The following SLC24A3 variants were observed in gnomAD, a reference collection of about 807,000 sequenced individuals.
SLC24A3 encodes solute carrier family 24 member 3, also known as sodium/potassium/calcium exchanger 3.
A neutral mutation model predicts 75.8 loss-of-function variants in SLC24A3; 28 were observed. The ratio of observed to expected loss-of-function variants is 0.37; its 90% CI spans 0.27 to 0.51. SLC24A3 has a LOEUF of 0.51. SLC24A3 is among the 20% of genes least tolerant of loss of function. SLC24A3 has a pLI of 0.94. For missense variants in SLC24A3, 663 were observed against 847.8 expected (o/e 0.78, Z 2.71); for synonymous variants, 372 against 334.1 (o/e 1.11, Z -1.24).
chr20:19,658,666 G>A (rs534745851), intron 7 of SLC24A3, among the ~76,000 whole-genome samples: 19 of 152,212 alleles, frequency 1.2e-4, no homozygotes, highest in Non-Finnish European at 2.4e-4. Context: ...GCCAGCGGTG[G>A]AGAGGCTGGA....
chr20:19,220,450 A>T (rs183152035), intron 1 of SLC24A3, among the ~76,000 whole-genome samples: 15 of 152,338 alleles, frequency 9.8e-5, no homozygotes, highest in African/African-American at 3.4e-4. Context: ...CAGAGAAAGG[A>T]GCAGGTTTCT....
chr20:19,525,853 G>A (rs914402152), intron 3 of SLC24A3, among the ~76,000 whole-genome samples: 4 of 152,152 alleles, frequency 2.6e-5, no homozygotes, highest in African/African-American at 7.2e-5. Context: ...CTTCTTCCCA[G>A]CCCCTCATTC....
At chr20:19,534,177 T>C (rs1387318996) in intron 3 of SLC24A3, among the ~76,000 whole-genome samples, 1 of 152,270 alleles carries the variant, frequency 6.6e-6, no homozygotes, top group Non-Finnish European at 1.5e-5. Context: ...AAATATAGAA[T>C]GTTGGCAGTT....
At chr20:19,358,886 T>A (rs1467978599) in intron 2 of SLC24A3, among the ~76,000 whole-genome samples, 3 of 152,232 alleles carry the variant, frequency 2.0e-5, no homozygotes, top group Admixed American at 6.5e-5. Flanking sequence ...GCTTTTTGTG[T>A]CTGGCTTATT....
chr20:19,649,591 T>G (rs6035399), intron 6 of SLC24A3, among the ~76,000 whole-genome samples: 4 of 151,950 alleles, frequency 2.6e-5, no homozygotes, highest in African/African-American at 9.7e-5. Flanking sequence ...CTGTTTTTTG[T>G]TTTTTTTGTT....
intron 3 of SLC24A3, among the ~76,000 whole-genome samples, chr20:19,530,349 G>A (rs757132647): frequency 6.6e-6 from 1 of 152,164 alleles, no homozygotes; most frequent in African/African-American, 2.4e-5. Context: ...ACTGAGTGCC[G>A]AGGGCCTCTC....
chr20:19,425,770 T>G (rs1433914680), intron 2 of SLC24A3, among the ~76,000 whole-genome samples: 1 of 114,492 alleles, frequency 8.7e-6, no homozygotes, highest in Non-Finnish European at 1.9e-5. Flanking sequence ...TGTAGACTCC[T>G]GGGATTCATT....
chr20:19,566,051 A>G (rs2030952362), intron 3 of SLC24A3, among the ~76,000 whole-genome samples: 1 of 152,160 alleles, frequency 6.6e-6, no homozygotes, highest in Admixed American at 6.6e-5. Flanking sequence ...TCATTCGTTT[A>G]TTCATTCAAA....
intron 1 of SLC24A3, among the ~76,000 whole-genome samples, chr20:19,257,007 C>T (rs1024967256): frequency 4.6e-5 from 7 of 152,074 alleles, no homozygotes; most frequent in Non-Finnish European, 7.4e-5. Flanking sequence ...TGCACCGAAC[C>T]CTCTCTAAGG....
chr20:19,280,030 G>A (rs1376238616), intron 1 of SLC24A3, among the ~76,000 whole-genome samples: 6 of 152,174 alleles, frequency 3.9e-5, no homozygotes, highest in Non-Finnish European at 8.8e-5. Context: ...TAATCTTAAT[G>A]CTCAGGAAGA....
intron 2 of SLC24A3, among the ~76,000 whole-genome samples, chr20:19,439,809 A>G (rs6136729): frequency 0.043 from 6,551 of 152,248 alleles, 467 homozygotes; most frequent in East Asian, 0.33. Context: ...ATTTGGCAAT[A>G]ACACGGTCTC....
At chr20:19,446,921 C>T (rs1987397195) in intron 2 of SLC24A3, among the ~76,000 whole-genome samples, 1 of 152,198 alleles carries the variant, frequency 6.6e-6, no homozygotes. Context: ...ATGGATTTCC[C>T]CTTGGCATTA....
chr20:19,231,627 C>T (rs1226079410), intron 1 of SLC24A3, among the ~76,000 whole-genome samples: 17 of 152,226 alleles, frequency 1.1e-4, no homozygotes. Context: ...AGTAGGAATG[C>T]AGTCCTGCTG....
intron 6 of SLC24A3, among the ~76,000 whole-genome samples, chr20:19,590,814 G>A (rs889594375): frequency 1.3e-5 from 2 of 152,180 alleles, no homozygotes; most frequent in African/African-American, 4.8e-5. Flanking sequence ...CCTAGCCCAA[G>A]GCCAACTGAA....
intron 14 of SLC24A3, chr20:19,697,481 T>A (rs1413845857): frequency 6.5e-6 from 1 of 152,764 alleles, no homozygotes; most frequent in Non-Finnish European, 1.5e-5. Flanking sequence ...CCACCTGCAG[T>A]GCCCTCTAAG....
At chr20:19,369,080 T>C (rs1212711992) in intron 2 of SLC24A3, among the ~76,000 whole-genome samples, 1 of 152,174 alleles carries the variant, frequency 6.6e-6, no homozygotes, top group Non-Finnish European at 1.5e-5. Context: ...AAACTAACAC[T>C]AAAACTAGTG....
intron 2 of SLC24A3, among the ~76,000 whole-genome samples, chr20:19,374,538 G>A (rs1986047499): frequency 6.6e-6 from 1 of 152,140 alleles, no homozygotes; most frequent in South Asian, 2.1e-4. Context: ...GCACTGGTGG[G>A]CTCCCACCCT....
intron 2 of SLC24A3, among the ~76,000 whole-genome samples, chr20:19,379,912 G>A (rs1986153098): frequency 6.6e-6 from 1 of 152,142 alleles, no homozygotes; most frequent in African/African-American, 2.4e-5. Context: ...CCCAGACATA[G>A]GCTGGCTAGC....
At chr20:19,395,996 C>T (rs1986447065) in intron 2 of SLC24A3, among the ~76,000 whole-genome samples, 1 of 152,102 alleles carries the variant, frequency 6.6e-6, no homozygotes, top group Non-Finnish European at 1.5e-5. Flanking sequence ...ATTTTAATAA[C>T]AAGAATGATA....
Sources: allele counts gnomAD v4.1 joint callset (sites outside exome capture counted in the v4.1 genomes callset), GRCh38; gene constraint gnomAD v4.1.1; transcripts MANE v1.5; gene names NCBI Gene and HGNC (gene_info 2026-07-23, HGNC 2026-07-21).